SYNE1: variants seen among roughly 807,000 people sequenced by gnomAD.
SYNE1 encodes spectrin repeat containing nuclear envelope protein 1, also known as nesprin-1.
A neutral mutation model predicts 1,111.0 loss-of-function variants in SYNE1; 616 were observed. The ratio of observed to expected loss-of-function variants is 0.55; its 90% CI spans 0.52 to 0.59. The LOEUF is 0.59. Ranked by LOEUF, SYNE1 falls within the 20% of genes least tolerant of loss-of-function variation. The pLI is 0.00. For synonymous variants in SYNE1, 3,855 were observed against 3,825.8 expected (o/e 1.01, Z -0.28); for missense variants, 10,006 against 10,417.0 (o/e 0.96, Z 1.72).
At chr6:152,308,274 G>T (rs141562123) in intron 91 of SYNE1, among the ~76,000 whole-genome samples, 1 of 152,190 alleles carries the variant, frequency 6.6e-6, no homozygotes, top group Non-Finnish European at 1.5e-5. Context: ...TACGAACAAC[G>T]TGTAGAGAGG....
intron 100 of SYNE1, among the ~76,000 whole-genome samples, chr6:152,263,851 A>G (rs2092378485): frequency 6.6e-6 from 1 of 152,128 alleles, no homozygotes; most frequent in Non-Finnish European, 1.5e-5. Flanking sequence ...TATGAGAATG[A>G]AAGAGAATAC....
Position 152,635,456 on chromosome 6 carries a change from G to A in SYNE1, c.-224+1182C>T, listed in dbSNP as rs147184370. On this transcript the variant is annotated intron_variant, in intron 2 of 145. Transcript: ENST00000367255. ...GATATGTATTTTGTCACACTGTTCC[G>A]GTGATATCAGGAACTTTTTAGCCAT... Among the ~76,000 whole-genome samples the A allele has an allele frequency of 1.8e-3, 270 of 152,246 alleles. 1 individual carries two copies. Among genetic ancestry groups the A allele is most frequent in the African/African-American group, 4.9e-3 (202 of 41,552 alleles).
intron 101 of SYNE1, among the ~76,000 whole-genome samples, chr6:152,259,391 C>T (rs2091569200): frequency 6.6e-6 from 1 of 152,112 alleles, no homozygotes; most frequent in Admixed American, 6.6e-5. Flanking sequence ...GCATTAAATA[C>T]ATTGGAAGTA....
chr6:152,489,129 G>T (rs897592364), intron 11 of SYNE1, among the ~76,000 whole-genome samples: 2 of 152,128 alleles, frequency 1.3e-5, no homozygotes, highest in Non-Finnish European at 2.9e-5. Context: ...AAATAAAATT[G>T]GGATTTTCAT....
Position 152,462,772 on chromosome 6 carries a change from A to G in SYNE1, c.2216T>C (p.Phe739Ser). The G allele has an allele frequency of 1.2e-6, 2 of 1,614,046 alleles. No homozygotes were observed. Among genetic ancestry groups the G allele is most frequent in the East Asian group, 2.2e-5 (1 of 44,864 alleles). Residue 739 changes from phenylalanine (F) to serine (S), a missense_variant, in exon 20 of 146, where the codon TTT (phenylalanine) becomes TCT (serine). Physicochemically the swap from Phe to Ser is radical, Grantham distance 155. Around this residue, in one of 7 missense-constraint regions of SYNE1, gnomAD observed 1,971 missense variants for 2,084.1 expected, o/e 0.95. Coordinates refer to ENST00000367255, the MANE Select transcript of SYNE1 (RefSeq NM_182961.4). ...KKLSEPLEVS[F>S]MNVKLLIQDL... is the part of the protein sequence containing the mutation. Reference sequence around the variant, plus strand: ...TTGAATTAATAGCTTGACATTCATAAAAGAGACTTCTAAGGGTTCAGAAAG... The same window carrying G: ...TTGAATTAATAGCTTGACATTCATAGAAGAGACTTCTAAGGGTTCAGAAAG...
chr6:152,359,551 C>T, intron 64 of SYNE1, 93 bp from the exon 65 acceptor site: 1 of 1,508,356 alleles, frequency 6.6e-7, no homozygotes, highest in Non-Finnish European at 9.1e-7. Flanking sequence ...GTACAGTTGA[C>T]AAGTGACCTC....
Position 152,122,243 on chromosome 6 carries a change from G to A in SYNE1, c.*193C>T, listed in dbSNP as rs370196807. 1.8e-5 allele frequency: 15 copies of A among 817,192 alleles called. No homozygotes were observed. Among genetic ancestry groups the A allele is most frequent in the East Asian group, 1.1e-4 (4 of 37,440 alleles). The allele number at this position is 817,192 out of a possible 1,614,324, so 50.6% of individuals were successfully genotyped here. ...TTTCTTCCAAACCTTCTTGTTGTCT[G>A]TTTGTTCCCCCGTCACTGTTTATCT... On this transcript the variant is annotated 3_prime_UTR_variant, in exon 146 of 146. Coordinates refer to ENST00000367255, the MANE Select transcript of SYNE1 (RefSeq NM_182961.4).
chr6:152,198,288 C>T (rs76748422), intron 127 of SYNE1, among the ~76,000 whole-genome samples: 9,864 of 152,234 alleles, frequency 0.065, 375 homozygotes, highest in African/African-American at 0.11. Context: ...CCTCCCTCAG[C>T]CTTCACAGAA....
At chr6:152,234,877 C>T in intron 110 of SYNE1, 77 bp from the exon 111 acceptor site, 1 of 1,527,866 alleles carries the variant, frequency 6.5e-7, no homozygotes, top group East Asian at 2.3e-5. Context: ...CTCACCAATG[C>T]CAACAGTTTT....
intron 42 of SYNE1, among the ~76,000 whole-genome samples, chr6:152,411,492 C>A (rs184539850): frequency 6.6e-6 from 1 of 151,870 alleles, no homozygotes; most frequent in African/African-American, 2.4e-5. Context: ...AGTCTGTGGG[C>A]GTTTTGATTG....
chr6:152,395,810 TAAC>T (rs1251503221), intron 50 of SYNE1, 139 bp from the exon 51 acceptor site: 17 of 799,224 alleles, frequency 2.1e-5, no homozygotes, highest in Middle Eastern at 3.6e-4. Context: ...AAACAAAACT[TAAC>T]AACTAACCCA....
intron 106 of SYNE1, among the ~76,000 whole-genome samples, chr6:152,242,972 A>G (rs944201468): frequency 2.0e-5 from 3 of 152,200 alleles, no homozygotes; most frequent in Admixed American, 6.5e-5. Context: ...TAAAAATTTA[A>G]TAAGTTAAAA....
Position 152,425,610 on chromosome 6 carries a change from C to T in SYNE1, c.5101-63G>A. On this transcript the variant is annotated intron_variant, in intron 38 of 145. Coordinates refer to ENST00000367255, the MANE Select transcript of SYNE1 (RefSeq NM_182961.4). ...GGACTGAAAAGTAAGGACCATGCGG[C>T]ACAGGCGGCTGTTGTCCAAAGGATT... The T allele has an allele frequency of 3.8e-6, 6 of 1,592,398 alleles. No homozygotes were observed. The South Asian group carries it at 6.6e-5, about 18-fold the overall frequency.
At chr6:152,254,816 C>A in intron 104 of SYNE1, 64 bp downstream of exon 104, 1 of 1,434,836 alleles carries the variant, frequency 7.0e-7, no homozygotes. Context: ...AACACAGACT[C>A]GTGACTGACT....
At chr6:152,133,894 T>TA in intron 142 of SYNE1, 1 of 173,784 alleles carries the variant, frequency 5.8e-6, no homozygotes, top group Non-Finnish European at 1.2e-5. Flanking sequence ...AGTCAAGATT[T>TA]GAAAAAAAAA....
intron 125 of SYNE1, among the ~76,000 whole-genome samples, chr6:152,207,545 T>C (rs1215431248): frequency 1.3e-5 from 2 of 152,182 alleles, no homozygotes; most frequent in African/African-American, 4.8e-5. Context: ...TCTAAGATGC[T>C]AGAAGCCTGA....
intron 16 of SYNE1, among the ~76,000 whole-genome samples, chr6:152,471,056 A>C (rs549346008): frequency 1.3e-5 from 2 of 152,284 alleles, no homozygotes; most frequent in Admixed American, 1.3e-4. Context: ...TTAAAAATTA[A>C]GTTGGTACAG....
At chr6:152,309,245 A>G (rs2095475771) in intron 90 of SYNE1, among the ~76,000 whole-genome samples, 1 of 152,216 alleles carries the variant, frequency 6.6e-6, no homozygotes, top group African/African-American at 2.4e-5. Flanking sequence ...CAGGGAGGAA[A>G]GGGTAGTTGA....
intron 136 of SYNE1, 146 bp downstream of exon 136, chr6:152,149,331 A>G (rs1586221979): frequency 4.3e-6 from 4 of 921,570 alleles, no homozygotes; most frequent in African/African-American, 1.7e-5. Flanking sequence ...CGAAGGTGAC[A>G]GCGACAATGT....
Sources: gnomAD v4.1 joint callset for allele counts (sites outside exome capture counted in the v4.1 genomes callset) on GRCh38, gnomAD v4.1.1 for gene constraint, gnomAD v4.1.1 regional missense constraint, MANE v1.5 for transcripts, NCBI Gene and HGNC (gene_info 2026-07-23, HGNC 2026-07-21) for gene names.